The following DLC1 variants were observed in gnomAD, a reference collection of about 807,000 sequenced individuals.
The protein encoded by DLC1 is rho GTPase-activating protein 7.
Under a neutral mutation model 140.3 loss-of-function variants are expected in DLC1, and 54 were observed. The ratio of observed to expected loss-of-function variants is 0.38; its 90% confidence interval spans 0.31 to 0.48. The LOEUF is 0.48. DLC1 is among the 20% of genes least tolerant of loss of function. The pLI is 0.96. For synonymous variants in DLC1, 986 were observed against 728.1 expected (o/e 1.35, Z -5.70); for missense variants, 2,536 against 1,907.0 (o/e 1.33, Z -6.14).
At chr8:13,409,045 C>G (rs1394288278) in intron 2 of DLC1, among the ~76,000 whole-genome samples, 2 of 151,564 alleles carry the variant, frequency 1.3e-5, no homozygotes, top group African/African-American at 2.4e-5. Context: ...ATTGACCTGA[C>G]TTCTGTCTAC....
At chr8:13,469,419 C>G (rs1200873917) in intron 2 of DLC1, among the ~76,000 whole-genome samples, 2 of 152,254 alleles carry the variant, frequency 1.3e-5, no homozygotes, top group East Asian at 1.9e-4. Context: ...ATAGCTGTAA[C>G]TGAATTGCTC....
At chr8:13,536,914 T>G (rs1803304028) in intron 1 of DLC1, among the ~76,000 whole-genome samples, 1 of 152,202 alleles carries the variant, frequency 6.6e-6, no homozygotes, top group East Asian at 1.9e-4. Flanking sequence ...AATTACTATA[T>G]TTTTGGAAAA....
At chr8:13,547,143 G>T (rs1230588943) in intron 1 of DLC1, among the ~76,000 whole-genome samples, 2 of 151,966 alleles carry the variant, frequency 1.3e-5, no homozygotes, top group Non-Finnish European at 2.9e-5. Flanking sequence ...GAATTATCTT[G>T]TATGAAGAAC....
intron 5 of DLC1, among the ~76,000 whole-genome samples, chr8:13,263,139 C>A (rs1244654797): frequency 6.6e-6 from 1 of 151,980 alleles, no homozygotes; most frequent in Non-Finnish European, 1.5e-5. Context: ...AGTAGTGGGT[C>A]CCTACAGCAG....
upstream of DLC1, among the ~76,000 whole-genome samples, chr8:13,519,701 G>A (rs894807035): frequency 6.6e-6 from 1 of 152,034 alleles, no homozygotes; most frequent in African/African-American, 2.4e-5. Context: ...GACTACTGAT[G>A]TTCATTATCC....
chr8:13,148,431 C>G (rs949741226), intron 5 of DLC1, among the ~76,000 whole-genome samples: 2 of 152,190 alleles, frequency 1.3e-5, no homozygotes, highest in Non-Finnish European at 2.9e-5. Flanking sequence ...TAGCCTCCAG[C>G]TCCATCCACA....
chr8:13,145,549 C>A (rs1019954448), intron 5 of DLC1, among the ~76,000 whole-genome samples: 1 of 152,118 alleles, frequency 6.6e-6, no homozygotes, highest in African/African-American at 2.4e-5. Context: ...GAAACTGTTT[C>A]TTTAGAGAAA....
At chr8:13,148,596 C>T (rs1823596659) in intron 5 of DLC1, among the ~76,000 whole-genome samples, 1 of 152,134 alleles carries the variant, frequency 6.6e-6, no homozygotes, top group Admixed American at 6.5e-5. Context: ...GTCTTTTACA[C>T]AAATGGGACA....
At chr8:13,506,015 A>G (rs1296842423) in intron 1 of DLC1, among the ~76,000 whole-genome samples, 1 of 152,204 alleles carries the variant, frequency 6.6e-6, no homozygotes, top group Non-Finnish European at 1.5e-5. Flanking sequence ...AAATGCAGGT[A>G]TCTTATTTTG....
intron 5 of DLC1, among the ~76,000 whole-genome samples, chr8:13,252,793 C>A (rs1188269): frequency 2.0e-5 from 3 of 152,024 alleles, no homozygotes; most frequent in South Asian, 2.1e-4. Flanking sequence ...TACACGTGCC[C>A]TCTTAAGGTC....
intron 4 of DLC1, among the ~76,000 whole-genome samples, chr8:13,309,536 G>T (rs890532835): frequency 4.6e-5 from 7 of 152,224 alleles, no homozygotes; most frequent in Admixed American, 3.9e-4. Flanking sequence ...TAAACAATTT[G>T]CTTTCTTCTA....
At chr8:13,127,421 T>G (rs7840189) in intron 5 of DLC1, among the ~76,000 whole-genome samples, 79,392 of 152,114 alleles carry the variant, frequency 0.52, 23,182 homozygotes, top group East Asian at 0.79. Context: ...GTTCTGGAAC[T>G]TCCCATGAAA....
chr8:13,491,133 T>TTATA (rs1252983705), intron 2 of DLC1, among the ~76,000 whole-genome samples: 1 of 148,996 alleles, frequency 6.7e-6, no homozygotes, highest in East Asian at 1.9e-4. Flanking sequence ...TAATATTTTT[T>TTATA]TATATATATA....
chr8:13,541,519 C>T (rs543661396), intron 1 of DLC1, among the ~76,000 whole-genome samples: 145 of 152,208 alleles, frequency 9.5e-4, no homozygotes, highest in African/African-American at 2.6e-3. Flanking sequence ...TTTTAATTTT[C>T]ATTTTTCTAA....
intron 5 of DLC1, among the ~76,000 whole-genome samples, chr8:13,293,845 G>GA (rs201640991): frequency 0.1 from 15,848 of 151,784 alleles, 1,028 homozygotes; most frequent in South Asian, 0.17. Context: ...GAGAGGAAAA[G>GA]AACTATGTTC....
chr8:13,148,655 GTTGTT>G (rs1823600492), intron 5 of DLC1, among the ~76,000 whole-genome samples: 3 of 151,380 alleles, frequency 2.0e-5, no homozygotes, highest in Admixed American at 6.6e-5. Flanking sequence ...GCTTGAGAGG[GTTGTT>G]TTTGTTGTTG....
intron 1 of DLC1, among the ~76,000 whole-genome samples, chr8:13,561,492 T>G (rs918757394): frequency 1.3e-5 from 2 of 152,232 alleles, no homozygotes; most frequent in Non-Finnish European, 2.9e-5. Flanking sequence ...GATTTAATTT[T>G]GCTTAAACTT....
At position 13,312,386 on chromosome 8, in the gene DLC1, A is replaced by AAAAAAAAAAAAAAAT. The variant is rs71207139; in HGVS notation, c.1315-7085_1315-7084insATTTTTTTTTTTTTT. Among the ~76,000 whole-genome samples the AAAAAAAAAAAAAAAT allele has an allele frequency of 6.9e-3, 560 of 81,618 alleles. 54 individuals are homozygous for AAAAAAAAAAAAAAAT. Among genetic ancestry groups the AAAAAAAAAAAAAAAT allele is most frequent in the Non-Finnish European group, 8.7e-3 (346 of 39,842 alleles). The allele number at this position is 81,618 out of a possible 152,430, so 53.5% of individuals were successfully genotyped here. A position where few individuals can be genotyped will look rare whatever the true frequency, so the allele number is the denominator to read the frequency against. On this transcript the variant is annotated intron_variant, in intron 4 of 17. Transcript: ENST00000276297. Reference sequence around the variant, plus strand: ...AAAAAAAAAAAAAAAAAAAAAAAAAAAATAATTTCTTTAGCAAGCTAGATA... The same window carrying AAAAAAAAAAAAAAAT: ...AAAAAAAAAAAAAAAAAAAAAAAAAAAAAAAAAAAAAAAATAATAATTTCTTTAGCAAGCTAGATA...
chr8:13,393,720 GA>G (rs780008751), intron 3 of DLC1, 27 bp from the exon 4 acceptor site: 1 of 1,601,630 alleles, frequency 6.2e-7, no homozygotes. Context: ...GCACTGGTAT[GA>G]AGGACATGTG....
Sources: gnomAD v4.1 joint callset for allele counts (sites outside exome capture counted in the v4.1 genomes callset) on GRCh38, gnomAD v4.1.1 for gene constraint, MANE v1.5 for transcripts, NCBI Gene and HGNC (gene_info 2026-07-23, HGNC 2026-07-21) for gene names.